Variants in NTF3 observed in about 807,000 individuals in gnomAD.
NTF3 encodes neurotrophin 3.
Under a neutral mutation model 26.3 loss-of-function variants are expected in NTF3, and 8 were observed. The observed-to-expected ratio is 0.30, with a 90% CI of 0.18 to 0.55. The LOEUF (loss-of-function observed/expected upper bound fraction) is 0.55. Among genes scored for constraint, NTF3 ranks in the 20% least tolerant of loss-of-function variants. NTF3 has a pLI of 0.93. For missense variants in NTF3, 276 were observed against 352.9 expected (o/e 0.78, Z 1.75); for synonymous variants, 154 against 145.5 (o/e 1.06, Z -0.42).
intron 1 of NTF3, among the ~76,000 whole-genome samples, chr12:5,457,642 T>G (rs1481561529): frequency 6.6e-6 from 1 of 152,176 alleles, no homozygotes; most frequent in African/African-American, 2.4e-5. Context: ...TACTTTGTGT[T>G]AGCTACAGAC....
chr12:5,482,634 G>A (rs1010769540), intron 1 of NTF3, among the ~76,000 whole-genome samples: 1 of 152,050 alleles, frequency 6.6e-6, no homozygotes, highest in African/African-American at 2.4e-5. Flanking sequence ...AAGAGCCACT[G>A]CCCAGTGTCT....
chr12:5,494,494 C>T lies in NTF3; in HGVS notation c.319C>T (p.Arg107Ter), dbSNP rs1374343544. The T allele has an allele frequency of 4.3e-6, 7 of 1,613,722 alleles. No individual in the cohort carries two copies. The highest frequency in any genetic ancestry group is 1.3e-5 in the African/African-American group (1 of 74,928). The change falls in exon 2 of 2, where the codon CGA becomes TGA. Residue 107 changes from arginine to a stop codon, truncating the protein, a stop_gained. Coordinates refer to ENST00000423158, the MANE Select transcript of NTF3 (RefSeq NM_001102654.2). LOFTEE classifies it high-confidence loss of function. This position sits in a 1 kb window ranked among gnomAD's most constrained non-coding sequence, Gnocchi z 8.3. The stretch of plus-strand genomic sequence containing the variant: ...GATTGCAATGGACACCGAACTGCTG[C>T]GACAACAGAGACGCTACAACTCACC... Reference protein sequence around the residue: ...PVIAMDTELLRQQRRYNSPRV... With the variant: ...PVIAMDTELL
chr12:5,431,664 G>A (rs979610177), upstream of NTF3, among the ~76,000 whole-genome samples: 2 of 152,058 alleles, frequency 1.3e-5, no homozygotes, highest in African/African-American at 4.8e-5. Context: ...GAGGAAAAAG[G>A]CAGGAAAAGG....
At chr12:5,467,912 A>T (rs1249263182) in intron 1 of NTF3, among the ~76,000 whole-genome samples, 1 of 152,110 alleles carries the variant, frequency 6.6e-6, no homozygotes, top group Non-Finnish European at 1.5e-5. Flanking sequence ...TTGAAAGTGG[A>T]GAGAGAATAA....
chr12:5,465,721 C>A (rs934003525), intron 1 of NTF3, among the ~76,000 whole-genome samples: 1 of 152,218 alleles, frequency 6.6e-6, no homozygotes, highest in African/African-American at 2.4e-5. Flanking sequence ...CCCATCCCCA[C>A]CACACTGTGC....
intron 1 of NTF3, among the ~76,000 whole-genome samples, chr12:5,466,229 G>A (rs1206188941): frequency 6.6e-6 from 1 of 152,162 alleles, no homozygotes; most frequent in Non-Finnish European, 1.5e-5. Flanking sequence ...ACCTCTCAGT[G>A]TCATTTAGGA....
intron 1 of NTF3, among the ~76,000 whole-genome samples, chr12:5,490,308 A>C (rs888289552): frequency 6.6e-6 from 1 of 152,216 alleles, no homozygotes. Context: ...ATAGACGTCG[A>C]AAGTCCGCAG....
chr12:5,458,674 C>T (rs1378397074), intron 1 of NTF3, among the ~76,000 whole-genome samples: 1 of 152,232 alleles, frequency 6.6e-6, no homozygotes, highest in African/African-American at 2.4e-5. Context: ...GACTAACCCT[C>T]ATTCACTTTG....
rs572534478 is a variant in NTF3 at position 5,484,547 on chromosome 12, T to C, written c.19-9647T>C. Among the ~76,000 whole-genome samples the C allele has an allele frequency of 2.0e-5, 3 of 152,172 alleles. No individual in the cohort carries two copies. The East Asian group carries it at 5.8e-4, about 29-fold the overall frequency. ...TTTTTCTTTATGGGCACATGTGTGG[T>C]TTTTTAGCAGAAGGATTCCTTAGCA... On this transcript the variant is annotated intron_variant, in intron 1 of 1. Transcript: ENST00000423158.
intron 1 of NTF3, among the ~76,000 whole-genome samples, chr12:5,451,284 T>G (rs189710017): frequency 6.6e-6 from 1 of 152,376 alleles, no homozygotes; most frequent in East Asian, 1.9e-4. Flanking sequence ...TATTTAGTTC[T>G]TTTAATCTAA....
chr12:5,446,368 C>T (rs140444114), intron 1 of NTF3, among the ~76,000 whole-genome samples: 22 of 152,254 alleles, frequency 1.4e-4, no homozygotes, highest in African/African-American at 4.8e-4. Flanking sequence ...AGCCAGATAC[C>T]CTCCTCTAGG....
At chr12:5,469,982 T>C (rs1289521973) in intron 1 of NTF3, among the ~76,000 whole-genome samples, 2 of 152,200 alleles carry the variant, frequency 1.3e-5, no homozygotes, top group Non-Finnish European at 2.9e-5. Context: ...TAGAGTGCAA[T>C]GGCGCGATCT....
chr12:5,493,597 C>T (rs1243795616), intron 1 of NTF3, among the ~76,000 whole-genome samples: 1 of 152,034 alleles, frequency 6.6e-6, no homozygotes, highest in Non-Finnish European at 1.5e-5. Flanking sequence ...GGGTAGTGGC[C>T]CTACATGTTC....
intron 1 of NTF3, 93 bp downstream of exon 1, chr12:5,432,435 C>T (rs899820475): frequency 1.2e-5 from 16 of 1,391,290 alleles, no homozygotes; most frequent in Non-Finnish European, 1.5e-5. Context: ...GCGGGGGGCC[C>T]CAGATCCGCA....
At chr12:5,459,155 T>G (rs1011069728) in intron 1 of NTF3, among the ~76,000 whole-genome samples, 1 of 152,224 alleles carries the variant, frequency 6.6e-6, no homozygotes, top group African/African-American at 2.4e-5. Flanking sequence ...ATGCCTGGTT[T>G]GGCTCACTAA....
At chr12:5,434,179 G>A (rs1310604050) in intron 1 of NTF3, among the ~76,000 whole-genome samples, 1 of 152,212 alleles carries the variant, frequency 6.6e-6, no homozygotes, top group Non-Finnish European at 1.5e-5. Context: ...GGTAGAATGT[G>A]GAGGATAAAC....
chr12:5,458,820 T>A (rs1241073631), intron 1 of NTF3, among the ~76,000 whole-genome samples: 1 of 152,166 alleles, frequency 6.6e-6, no homozygotes, highest in Non-Finnish European at 1.5e-5. Context: ...GACAAACTGG[T>A]CCTCATTTCT....
chr12:5,483,366 C>G (rs933301066), intron 1 of NTF3, among the ~76,000 whole-genome samples: 1 of 152,202 alleles, frequency 6.6e-6, no homozygotes, highest in Admixed American at 6.5e-5. Flanking sequence ...TGCCAGGGCA[C>G]TCCCGTGTTC....
intron 1 of NTF3, among the ~76,000 whole-genome samples, chr12:5,459,050 G>A (rs1940491714): frequency 6.6e-6 from 1 of 152,192 alleles, no homozygotes; most frequent in East Asian, 1.9e-4. Flanking sequence ...CTGTAACAAC[G>A]AAGCCTGGAG....
Sources: gnomAD v4.1 joint callset for allele counts (sites outside exome capture counted in the v4.1 genomes callset) on GRCh38, gnomAD v4.1.1 for gene constraint, Gnocchi (gnomAD v3.1) non-coding constraint, MANE v1.5 for transcripts, NCBI Gene and HGNC (gene_info 2026-07-23, HGNC 2026-07-21) for gene names.